Variants in XPO5 observed in about 807,000 individuals in gnomAD.
XPO5 encodes the protein exportin-5.
XPO5 carries 46 observed loss-of-function variants against 160.6 expected under a neutral mutation model. The ratio of observed to expected loss-of-function variants is 0.29; its 90% CI spans 0.23 to 0.37. The LOEUF is 0.37. Ranked by LOEUF, XPO5 falls within the 10% of genes least tolerant of loss-of-function variation. The pLI is 1.00. For synonymous variants in XPO5, 537 were observed against 519.3 expected, an observed-to-expected ratio of 1.03 and a Z score of -0.46; for missense variants, 1,090 against 1,463.9, an observed-to-expected ratio of 0.74 and a Z score of 4.17.
intron 1 of XPO5, among the ~76,000 whole-genome samples, chr6:43,575,096 G>C (rs1315060678): frequency 6.6e-6 from 1 of 152,260 alleles, no homozygotes; most frequent in Admixed American, 6.5e-5. Context: ...CGGGTCTCAC[G>C]CAAACTACTT....
intron 20 of XPO5, chr6:43,538,849 G>T: frequency 4.1e-6 from 5 of 1,232,430 alleles, no homozygotes; most frequent in South Asian, 1.4e-5. Flanking sequence ...CTGGAGCCTG[G>T]GTCTGCTGCA....
intron 12 of XPO5, among the ~76,000 whole-genome samples, chr6:43,557,529 A>G (rs544872681): frequency 1.3e-5 from 2 of 152,186 alleles, no homozygotes; most frequent in Admixed American, 6.5e-5. Flanking sequence ...GTATGATTCA[A>G]TTTATATGAA....
chr6:43,560,221 A>G lies in XPO5; in HGVS notation c.1178T>C (p.Ile393Thr). The G allele has an allele frequency of 6.2e-7, 1 of 1,612,526 alleles. No homozygotes were observed. Among genetic ancestry groups the G allele is most frequent in the South Asian group, 1.1e-5 (1 of 90,720 alleles). Residue 393 changes from isoleucine to threonine, a missense_variant, in exon 11 of 32, where the codon ATA (isoleucine) becomes ACA (threonine). Physicochemically the swap from Ile to Thr is moderately conservative, Grantham distance 89. This residue lies in a region of XPO5 where 810 missense variants were observed against 1,139.0 expected (regional missense o/e 0.71). Transcript: ENST00000265351. ...GGAAGCACGAAGATATTTTGGTATT[A>G]TTGCTAATAGCAAAGGATCACGGGA... ...ILSRDPLLLAIIPKYLRASMT... is the reference protein window; with the variant it reads ...ILSRDPLLLATIPKYLRASMT...
At chr6:43,558,690 TTAA>T in intron 11 of XPO5, 99 bp from the exon 12 acceptor site, 1 of 888,730 alleles carries the variant, frequency 1.1e-6, no homozygotes, top group Non-Finnish European at 1.7e-6. Flanking sequence ...TATTTAAGAG[TTAA>T]GCGTTTGCAT....
intron 10 of XPO5, 38 bp from the exon 11 acceptor site, chr6:43,560,341 G>T (rs1393022596): frequency 1.7e-5 from 26 of 1,562,198 alleles, no homozygotes; most frequent in East Asian, 2.3e-5. Flanking sequence ...AAAGGATTTG[G>T]ATTCTATATA....
At chr6:43,559,356 A>C (rs553850859) in intron 11 of XPO5, among the ~76,000 whole-genome samples, 1 of 152,364 alleles carries the variant, frequency 6.6e-6, no homozygotes, top group South Asian at 2.1e-4. Flanking sequence ...TAAGAAAATA[A>C]GGGGACCCTT....
At chr6:43,573,676 C>T in intron 1 of XPO5, 75 bp from the exon 2 acceptor site, 1 of 1,518,428 alleles carries the variant, frequency 6.6e-7, no homozygotes, top group East Asian at 2.5e-5. Flanking sequence ...TCTTAAGAAA[C>T]TCCAACCAGG....
intron 19 of XPO5, 85 bp downstream of exon 19, chr6:43,547,523 A>G: frequency 7.7e-7 from 1 of 1,301,936 alleles, no homozygotes; most frequent in South Asian, 1.2e-5. Flanking sequence ...TATAGAAAAA[A>G]CAAATCTATG....
intron 8 of XPO5, among the ~76,000 whole-genome samples, chr6:43,564,014 C>A (rs1206860101): frequency 6.6e-6 from 1 of 152,092 alleles, no homozygotes; most frequent in African/African-American, 2.4e-5. Flanking sequence ...CTTTCGCCTC[C>A]CAGGTTCAAG....
intron 12 of XPO5, chr6:43,556,181 A>G: frequency 2.0e-6 from 1 of 509,746 alleles, no homozygotes; most frequent in South Asian, 3.1e-5. Flanking sequence ...TACCAGCTAG[A>G]TCCTGTAAGT....
chr6:43,537,466 C>T (rs892431597), intron 20 of XPO5, among the ~76,000 whole-genome samples: 12 of 151,394 alleles, frequency 7.9e-5, no homozygotes, highest in African/African-American at 1.9e-4. Flanking sequence ...TAAGCTTGGC[C>T]GGCAATATGG....
intron 1 of XPO5, 81 bp downstream of exon 1, chr6:43,575,679 C>A (rs1763280873): frequency 7.6e-7 from 1 of 1,307,192 alleles, no homozygotes; most frequent in South Asian, 1.2e-5. Flanking sequence ...CGGGAGACTA[C>A]CCCAGTTACA....
intron 4 of XPO5, 71 bp downstream of exon 4, chr6:43,570,784 CAA>C: frequency 6.5e-7 from 1 of 1,527,138 alleles, no homozygotes; most frequent in East Asian, 2.3e-5. Flanking sequence ...AACCCACAAA[CAA>C]AATCAAACAA....
chr6:43,560,503 A>G (rs1762362900), intron 10 of XPO5, among the ~76,000 whole-genome samples, 200 bp from the exon 11 acceptor site: 1 of 152,194 alleles, frequency 6.6e-6, no homozygotes, highest in South Asian at 2.1e-4. Flanking sequence ...CAAGGAAATT[A>G]CCTGGAATGT....
chr6:43,570,277 A>T (rs1247843752), intron 5 of XPO5, among the ~76,000 whole-genome samples: 1 of 135,930 alleles, frequency 7.4e-6, no homozygotes, highest in Non-Finnish European at 1.5e-5. Flanking sequence ...ACACCACTGC[A>T]CTCCAGCCTA....
chr6:43,560,080 T>C (rs2127743736), intron 11 of XPO5, 98 bp downstream of exon 11: 1 of 1,425,256 alleles, frequency 7.0e-7, no homozygotes. Flanking sequence ...CAGCCTTCCA[T>C]AGAGCTGGGA....
intron 21 of XPO5, 61 bp from the exon 22 acceptor site, chr6:43,531,636 C>T (rs1793986876): frequency 7.2e-7 from 1 of 1,397,704 alleles, no homozygotes; most frequent in Admixed American, 1.7e-5. Flanking sequence ...AATTGGCCAA[C>T]ACTCTACAGC....
At chr6:43,536,243 T>C (rs1032404487) in intron 20 of XPO5, among the ~76,000 whole-genome samples, 5 of 151,870 alleles carry the variant, frequency 3.3e-5, no homozygotes, top group African/African-American at 7.3e-5. Flanking sequence ...GGTGAAACCC[T>C]GTCTCTACTA....
chr6:43,541,841 G>A (rs910361800), intron 20 of XPO5, among the ~76,000 whole-genome samples: 5 of 152,086 alleles, frequency 3.3e-5, no homozygotes, highest in African/African-American at 9.7e-5. Context: ...GCAGTGGCAC[G>A]ATCTTAGCTC....
Sources: allele counts gnomAD v4.1 joint callset (sites outside exome capture counted in the v4.1 genomes callset), GRCh38; gene constraint gnomAD v4.1.1; regional missense constraint gnomAD v4.1.1; transcripts MANE v1.5; gene names NCBI Gene and HGNC (gene_info 2026-07-23, HGNC 2026-07-21).